MYO1D: variants seen among roughly 807,000 people sequenced by gnomAD.
MYO1D encodes myosin ID, also known as unconventional myosin-Id.
In MYO1D, 83 loss-of-function variants were observed where a neutral mutation model predicts 122.0. That is an observed-to-expected ratio of 0.68 (90% CI 0.57 to 0.82). The LOEUF (loss-of-function observed/expected upper bound fraction) is 0.82. MYO1D is among the 40% of genes least tolerant of loss of function. The pLI is 0.00. For synonymous variants in MYO1D, 464 were observed against 446.9 expected, an observed-to-expected ratio of 1.04 and a Z score of -0.48; for missense variants, 1,157 against 1,269.5, an observed-to-expected ratio of 0.91 and a Z score of 1.35.
intron 15 of MYO1D, among the ~76,000 whole-genome samples, chr17:32,716,467 C>T (rs896188880): frequency 1.3e-5 from 2 of 152,084 alleles, no homozygotes; most frequent in African/African-American, 2.4e-5. Flanking sequence ...ATCATGTTGC[C>T]TGCCATACTA....
At chr17:32,801,786 C>A (rs2090463426) in intron 1 of MYO1D, among the ~76,000 whole-genome samples, 2 of 152,150 alleles carry the variant, frequency 1.3e-5, no homozygotes, top group Non-Finnish European at 2.9e-5. Context: ...ATATCTACCA[C>A]CCAGTTCTTG....
At chr17:32,872,332 G>A (rs1284426987) in intron 1 of MYO1D, among the ~76,000 whole-genome samples, 1 of 151,660 alleles carries the variant, frequency 6.6e-6, no homozygotes, top group Non-Finnish European at 1.5e-5. Context: ...GAGGGCAATG[G>A]CGCAATCTCG....
chr17:32,585,009 A>T (rs1024856345), intron 21 of MYO1D, among the ~76,000 whole-genome samples: 1 of 152,238 alleles, frequency 6.6e-6, no homozygotes, highest in African/African-American at 2.4e-5. Context: ...CAGAAGGCCA[A>T]GAATTTCCAT....
intron 20 of MYO1D, chr17:32,632,586 T>TATACAC (rs1480751438): frequency 1.7e-3 from 163 of 96,526 alleles, no homozygotes; most frequent in Non-Finnish European, 2.1e-3. Flanking sequence ...TATATATATA[T>TATACAC]ACACACACAC....
At chr17:32,638,132 A>G (rs2088131439) in intron 20 of MYO1D, among the ~76,000 whole-genome samples, 1 of 152,216 alleles carries the variant, frequency 6.6e-6, no homozygotes. Context: ...GACTCTATTA[A>G]GAAGGACAAA....
At chr17:32,500,080 AG>A (rs1406317224) in intron 21 of MYO1D, among the ~76,000 whole-genome samples, 5 of 152,136 alleles carry the variant, frequency 3.3e-5, no homozygotes, top group African/African-American at 1.2e-4. Flanking sequence ...CGGGGAGGGG[AG>A]GCGTCTTACA....
At position 32,654,492 on chromosome 17, in the gene MYO1D, G is replaced by A; in HGVS notation, c.2475C>T (p.Gly825=). The A allele has an allele frequency of 1.9e-6, 3 of 1,612,330 alleles. No individual in the cohort carries two copies. The highest frequency in any genetic ancestry group is 1.1e-5 in the South Asian group (1 of 90,668). Residue 825 remains glycine, a synonymous_variant, in exon 18 of 22, where the codon GGC becomes GGT. Coordinates refer to ENST00000318217, the MANE Select transcript of MYO1D (RefSeq NM_015194.3). ...ADLGLQRAWE[G]NYLASKPDTP... ...TTGGACTTACTGAAGCAAGATAGTT[G>A]CCCTCCCAGGCCCTCTGGAGCCCGA...
At chr17:32,563,132 T>C (rs916312961) in intron 21 of MYO1D, among the ~76,000 whole-genome samples, 2 of 152,072 alleles carry the variant, frequency 1.3e-5, no homozygotes, top group African/African-American at 4.8e-5. Flanking sequence ...GCTTCTGTTT[T>C]TCTAAATGTT....
intron 11 of MYO1D, 28 bp from the exon 12 acceptor site, chr17:32,749,034 G>T (rs1321202151): frequency 1.9e-6 from 3 of 1,580,078 alleles, no homozygotes; most frequent in Admixed American, 1.7e-5. Flanking sequence ...ATATTATTTT[G>T]AAAACAGACA....
intron 1 of MYO1D, among the ~76,000 whole-genome samples, chr17:32,819,403 C>T (rs1429799099): frequency 3.3e-5 from 5 of 152,170 alleles, no homozygotes; most frequent in Admixed American, 2.6e-4. Context: ...CATTCCCCTC[C>T]GTTTACTCAA....
chr17:32,588,292 C>A (rs1324240308), intron 21 of MYO1D, among the ~76,000 whole-genome samples: 1 of 152,180 alleles, frequency 6.6e-6, no homozygotes, highest in Non-Finnish European at 1.5e-5. Flanking sequence ...TCTGGCACTG[C>A]TATCTGGGAG....
intron 20 of MYO1D, among the ~76,000 whole-genome samples, chr17:32,616,893 G>A (rs1385105285): frequency 1.3e-5 from 2 of 152,152 alleles, no homozygotes; most frequent in African/African-American, 4.8e-5. Context: ...TGAGCACTAA[G>A]TCAGCTCATA....
intron 20 of MYO1D, among the ~76,000 whole-genome samples, chr17:32,622,647 G>A (rs1245021251): frequency 1.3e-5 from 2 of 152,140 alleles, no homozygotes; most frequent in African/African-American, 4.8e-5. Flanking sequence ...CACTCCAGGG[G>A]AATGAAAACC....
chr17:32,669,457 T>C (rs990728701), intron 16 of MYO1D, among the ~76,000 whole-genome samples: 12 of 152,370 alleles, frequency 7.9e-5, no homozygotes, highest in Admixed American at 5.9e-4. Flanking sequence ...ATTGCCTTTC[T>C]TTAAAATGGT....
chr17:32,827,626 T>TACA (rs1380849911), intron 1 of MYO1D, among the ~76,000 whole-genome samples: 1 of 152,202 alleles, frequency 6.6e-6, no homozygotes, highest in East Asian at 1.9e-4. Flanking sequence ...ATGTTTGTAT[T>TACA]TATTTCTCTA....
intron 21 of MYO1D, among the ~76,000 whole-genome samples, chr17:32,523,638 A>G (rs980519355): frequency 6.6e-6 from 1 of 151,970 alleles, no homozygotes; most frequent in Admixed American, 6.6e-5. Context: ...GAGAAACCCT[A>G]TCTCTACAAA....
intron 21 of MYO1D, among the ~76,000 whole-genome samples, chr17:32,600,515 T>C (rs1212810147): frequency 6.6e-6 from 1 of 152,262 alleles, no homozygotes; most frequent in Non-Finnish European, 1.5e-5. Flanking sequence ...CTGAATAACT[T>C]GCCACAGCTT....
intron 1 of MYO1D, among the ~76,000 whole-genome samples, chr17:32,835,401 C>T (rs188399060): frequency 9.9e-4 from 150 of 152,278 alleles, no homozygotes; most frequent in African/African-American, 3.5e-3. Flanking sequence ...TGCATAGCTT[C>T]CTTGGTCACT....
At chr17:32,628,475 A>T (rs2087957042) in intron 20 of MYO1D, among the ~76,000 whole-genome samples, 1 of 152,208 alleles carries the variant, frequency 6.6e-6, no homozygotes, top group Non-Finnish European at 1.5e-5. Context: ...ACCATCATTA[A>T]ATGGTAAATT....
Sources: gnomAD v4.1 joint callset for allele counts (sites outside exome capture counted in the v4.1 genomes callset) on GRCh38, gnomAD v4.1.1 for gene constraint, MANE v1.5 for transcripts, NCBI Gene and HGNC (gene_info 2026-07-23, HGNC 2026-07-21) for gene names.